Variants in PLCB4 observed in about 807,000 individuals in gnomAD.
PLCB4 encodes phospholipase C beta 4.
A neutral mutation model predicts 178.8 loss-of-function variants in PLCB4; 77 were observed. That is an observed-to-expected ratio of 0.43 (90% confidence interval 0.36 to 0.52). The LOEUF is 0.52. Among genes scored for constraint, PLCB4 ranks in the 20% least tolerant of loss-of-function variants. The pLI is 0.00. For missense variants in PLCB4, 1,024 were observed against 1,453.4 expected (o/e 0.70, Z 4.80); for synonymous variants, 496 against 490.8 (o/e 1.01, Z -0.14).
At chr20:9,087,948 A>G (rs1193501093) in intron 1 of PLCB4, among the ~76,000 whole-genome samples, 7 of 152,194 alleles carry the variant, frequency 4.6e-5, no homozygotes, top group Non-Finnish European at 8.8e-5. Context: ...AACCTTCCAT[A>G]GTATTCACAA....
intron 2 of PLCB4, among the ~76,000 whole-genome samples, chr20:9,202,284 T>C (rs1164309910): frequency 6.6e-6 from 1 of 152,206 alleles, no homozygotes; most frequent in Non-Finnish European, 1.5e-5. Flanking sequence ...AATTGTTTTA[T>C]GTCTTGATTG....
chr20:9,078,377 T>C (rs1269789432), intron 1 of PLCB4, among the ~76,000 whole-genome samples: 1 of 151,700 alleles, frequency 6.6e-6, no homozygotes, highest in African/African-American at 2.4e-5. Flanking sequence ...TCTTCTTCTC[T>C]TCTTTTCTTT....
At chr20:9,175,920 C>T (rs937017117) in intron 2 of PLCB4, among the ~76,000 whole-genome samples, 5 of 152,064 alleles carry the variant, frequency 3.3e-5, no homozygotes, top group Non-Finnish European at 7.3e-5. Flanking sequence ...TTTTGCATTG[C>T]GTGAGTCTTA....
intron 28 of PLCB4, among the ~76,000 whole-genome samples, chr20:9,431,140 G>T (rs1379164688): frequency 6.6e-6 from 1 of 152,210 alleles, no homozygotes; most frequent in Non-Finnish European, 1.5e-5. Context: ...CTCTCGGGAA[G>T]AATCCTTCCT....
chr20:9,275,587 C>T (rs2094443609), intron 3 of PLCB4, among the ~76,000 whole-genome samples: 1 of 151,980 alleles, frequency 6.6e-6, no homozygotes, highest in Admixed American at 6.6e-5. Flanking sequence ...ACTTTCATAC[C>T]ACACATGTCA....
chr20:9,208,634 G>A (rs766275303), intron 2 of PLCB4, among the ~76,000 whole-genome samples: 4 of 151,660 alleles, frequency 2.6e-5, no homozygotes, highest in Non-Finnish European at 4.4e-5. Flanking sequence ...TGACTTCCTC[G>A]GTTCAAGTAA....
intron 18 of PLCB4, 141 bp downstream of exon 18, chr20:9,393,819 A>C (rs924069180): frequency 5.7e-5 from 28 of 492,188 alleles, no homozygotes; most frequent in African/African-American, 4.8e-4. Context: ...TTTTCAGAGC[A>C]AGATTGCCAC....
intron 7 of PLCB4, among the ~76,000 whole-genome samples, chr20:9,341,295 G>A (rs2033164984): frequency 6.6e-6 from 1 of 152,056 alleles, no homozygotes; most frequent in African/African-American, 2.4e-5. Context: ...CCATACCCCT[G>A]TGCAGTCGAA....
intron 3 of PLCB4, among the ~76,000 whole-genome samples, chr20:9,260,047 T>C (rs1310867449): frequency 6.6e-6 from 1 of 152,066 alleles, no homozygotes; most frequent in Non-Finnish European, 1.5e-5. Context: ...TTAGAAATGA[T>C]TTATGTGTTC....
intron 13 of PLCB4, among the ~76,000 whole-genome samples, chr20:9,383,363 G>A (rs2037307793): frequency 2.0e-5 from 3 of 152,158 alleles, no homozygotes; most frequent in Admixed American, 1.3e-4. Flanking sequence ...GACCACACTG[G>A]TGTAGGCCCG....
intron 35 of PLCB4, 121 bp from the exon 36 acceptor site, chr20:9,468,450 G>T: frequency 1.5e-6 from 1 of 681,766 alleles, no homozygotes; most frequent in Non-Finnish European, 2.7e-6. Flanking sequence ...ACTTTGTTGT[G>T]TACCCGTCAC....
intron 35 of PLCB4, among the ~76,000 whole-genome samples, chr20:9,465,254 C>T (rs2043690546): frequency 6.6e-6 from 1 of 152,172 alleles, no homozygotes; most frequent in African/African-American, 2.4e-5. Context: ...TAAAAACTCT[C>T]AATAAACTAG....
chr20:9,352,153 CTTATT>C (rs2034403284), intron 7 of PLCB4, among the ~76,000 whole-genome samples: 1 of 152,128 alleles, frequency 6.6e-6, no homozygotes, highest in Non-Finnish European at 1.5e-5. Flanking sequence ...AACCAAAAAT[CTTATT>C]TTATTTTTGA....
intron 3 of PLCB4, among the ~76,000 whole-genome samples, chr20:9,291,645 T>A (rs749927474): frequency 6.6e-6 from 1 of 152,166 alleles, no homozygotes; most frequent in African/African-American, 2.4e-5. Flanking sequence ...TTTTATTAGT[T>A]CCATCTCTGT....
At chr20:9,111,627 A>T (rs770884392) in intron 2 of PLCB4, among the ~76,000 whole-genome samples, 2 of 152,306 alleles carry the variant, frequency 1.3e-5, no homozygotes, top group Admixed American at 6.5e-5. Context: ...GAGGCTGTGG[A>T]TTCACAGTTC....
chr20:9,179,937 G>T (rs1392571319), intron 2 of PLCB4, among the ~76,000 whole-genome samples: 4 of 152,136 alleles, frequency 2.6e-5, no homozygotes, highest in African/African-American at 9.7e-5. Context: ...TCCTTCTCTG[G>T]TGAGAATGAG....
chr20:9,198,004 A>T (rs547872133), intron 2 of PLCB4, among the ~76,000 whole-genome samples: 281 of 152,268 alleles, frequency 1.8e-3, no homozygotes, highest in South Asian at 6.4e-3. Context: ...AATAAAAAAA[A>T]AAACAAAATC....
intron 2 of PLCB4, among the ~76,000 whole-genome samples, chr20:9,134,889 A>G (rs988997798): frequency 2.6e-5 from 4 of 152,176 alleles, no homozygotes; most frequent in African/African-American, 9.6e-5. Flanking sequence ...TATTCATTCC[A>G]TGACACTGTA....
intron 1 of PLCB4, among the ~76,000 whole-genome samples, chr20:9,081,776 A>AAAAAAG (rs2090158436): frequency 6.6e-6 from 1 of 151,706 alleles, no homozygotes; most frequent in African/African-American, 2.4e-5. Context: ...AGCAAAAAAA[A>AAAAAAG]AAAAAAAGCC....
Sources: gnomAD v4.1 joint callset for allele counts (sites outside exome capture counted in the v4.1 genomes callset) on GRCh38, gnomAD v4.1.1 for gene constraint, MANE v1.5 for transcripts, NCBI Gene and HGNC (gene_info 2026-07-23, HGNC 2026-07-21) for gene names.